The following SRF variants were observed in gnomAD, a reference collection of about 807,000 sequenced individuals.
SRF encodes c-fos serum response element-binding transcription factor.
Under a neutral mutation model 37.1 loss-of-function variants are expected in SRF, and 7 were observed. That is an observed-to-expected ratio of 0.19 (90% CI 0.11 to 0.35). The LOEUF (loss-of-function observed/expected upper bound fraction) is 0.35. Among genes scored for constraint, SRF ranks in the 10% least tolerant of loss-of-function variants. The pLI is 1.00. For missense variants in SRF, 395 were observed against 694.4 expected, an observed-to-expected ratio of 0.57 and a Z score of 4.85; for synonymous variants, 285 against 310.1, an observed-to-expected ratio of 0.92 and a Z score of 0.85.
Position 43,179,336 on chromosome 6 carries a change from A to G in SRF, c.*146A>G, listed in dbSNP as rs1772265621. 4 of 779,926 alleles carry G rather than the reference A, an allele frequency of 5.1e-6. No individual in the cohort carries two copies. Among genetic ancestry groups the G allele is most frequent in the African/African-American group, 1.7e-5 (1 of 57,772 alleles). 48.3% of individuals were successfully genotyped at this position (779,926 alleles called of 1,614,324 possible). On this transcript the variant is annotated 3_prime_UTR_variant, in exon 7 of 7. Coordinates refer to ENST00000265354, the MANE Select transcript of SRF (RefSeq NM_003131.4). This position sits in a 1 kb window ranked among gnomAD's most constrained non-coding sequence, Gnocchi z 5.3. ...GGCAGCCACAGGACTGAGCCCTCTC[A>G]CTCCAGCCAAAGAAATGGGCCTGCC...
At position 43,176,732 on chromosome 6, in the gene SRF, C is replaced by A; in HGVS notation, c.1162+65C>A. 1 of 1,565,748 alleles carries A rather than the reference C, an allele frequency of 6.4e-7. No individual in the cohort carries two copies. The highest frequency in any genetic ancestry group is 1.2e-5 in the South Asian group (1 of 85,974). ...CCCCACGAGGCCTAGCAGTAGGTGC[C>A]CAACAGTAACCCTCCTGTAACTAAA... On this transcript the variant is annotated intron_variant, in intron 4 of 6. Transcript: ENST00000265354. This position sits in a 1 kb window ranked among gnomAD's most constrained non-coding sequence, Gnocchi z 4.0.
chr6:43,175,729 A>G lies in SRF; in HGVS notation c.804A>G (p.Thr268=), dbSNP rs1267249671. The change falls in exon 3 of 7, where the codon ACA becomes ACG. Residue 268 remains threonine, a synonymous_variant. Transcript: ENST00000265354. ...AGGACACACTGAAGCCGGCGTTCAC[A>G]GTCACCAACCTGCCGGGTACAACCT... ...ETKDTLKPAF[T]VTNLPGTTST... The G allele has an allele frequency of 3.7e-6, 6 of 1,614,168 alleles. No homozygotes were observed. The highest frequency in any genetic ancestry group is 1.7e-5 in the Admixed American group (1 of 60,024).
chr6:43,174,041 G>A lies in SRF; in HGVS notation c.708G>A (p.Met236Ile). The change falls in exon 2 of 7, where the codon ATG becomes ATA. Residue 236 changes from methionine to isoleucine, a missense_variant. Physicochemically the swap from Met to Ile is conservative, Grantham distance 10 (BLOSUM62 1). This residue lies in a region of SRF where 20 missense variants were observed against 37.2 expected (regional missense o/e 0.54). Coordinates refer to ENST00000265354, the MANE Select transcript of SRF (RefSeq NM_003131.4). ...PRSDPTTDQRMSATGFEETDL... is the reference protein window; with the variant it reads ...PRSDPTTDQRISATGFEETDL... The stretch of plus-strand genomic sequence containing the variant: ...CAGACCCCACAACAGACCAGAGAAT[G>A]AGTGCCACTGGCTTTGAAGAGACAG... 1 of 1,614,188 alleles carries A rather than the reference G, an allele frequency of 6.2e-7. No individual in the cohort carries two copies. Among genetic ancestry groups the A allele is most frequent in the South Asian group, 1.1e-5 (1 of 91,086 alleles).
In SRF at chr6:43,174,637, C is replaced by A. The variant is rs144990392; in HGVS notation, c.780+524C>A. Among the ~76,000 whole-genome samples the A allele has an allele frequency of 3.9e-5, 6 of 152,356 alleles. No individual in the cohort carries two copies. In the East Asian group the frequency reaches 5.8e-4, roughly 15 times the overall value. On this transcript the variant is annotated intron_variant, in intron 2 of 6. Transcript: ENST00000265354. ...GGATGCCTGCGCTGTTACTCCTCCC[C>A]CTTCCTTTTCCCGGTAAGGAGAGGG...
chr6:43,171,994 G>A lies in SRF; in HGVS notation c.338G>A (p.Gly113Glu). 1 of 1,566,258 alleles carries A rather than the reference G, an allele frequency of 6.4e-7. No homozygotes were observed. The highest frequency in any genetic ancestry group is 8.6e-7 in the Non-Finnish European group (1 of 1,157,536). ...SEMEIGMVVG[G>E]PEASAAATGG... ...ATGGAGATCGGTATGGTGGTCGGTGGGCCCGAGGCGTCGGCAGCGGCCACC... is the reference window on the plus strand; with the variant it reads ...ATGGAGATCGGTATGGTGGTCGGTGAGCCCGAGGCGTCGGCAGCGGCCACC... The change falls in exon 1 of 7, where the codon GGG becomes GAG. Residue 113 changes from glycine to glutamate, a missense_variant. Transcript: ENST00000265354. This position sits in a 1 kb window ranked among gnomAD's most constrained non-coding sequence, Gnocchi z 6.5.
rs919360070 is a variant in SRF at position 43,178,039 on chromosome 6, T to G, written c.1163-255T>G. ...TCATAATCTTTGTTTTTCCCAAGAT[T>G]TAGGACTTAGAGAATTCAGTAGATA... On this transcript the variant is annotated intron_variant, in intron 4 of 6. Coordinates refer to ENST00000265354, the MANE Select transcript of SRF (RefSeq NM_003131.4). This position sits in a 1 kb window ranked among gnomAD's most constrained non-coding sequence, Gnocchi z 4.3. 6.6e-6 allele frequency among the ~76,000 whole-genome samples: 1 copy of G among 152,096 alleles called. No homozygotes were observed. Among genetic ancestry groups the G allele is most frequent in the African/African-American group, 2.4e-5 (1 of 41,406 alleles).
At chr6:43,175,668 G>A (rs1417591325) in intron 2 of SRF, 38 bp from the exon 3 acceptor site, 1 of 1,610,146 alleles carries the variant, frequency 6.2e-7, no homozygotes, top group Non-Finnish European at 8.5e-7. Context: ...GGCAGGATCT[G>A]GTAGGGGCTC....
chr6:43,176,005 G>A lies in SRF; in HGVS notation c.1042+38G>A. On this transcript the variant is annotated intron_variant, in intron 3 of 6. Transcript: ENST00000265354. This position sits in a 1 kb window ranked among gnomAD's most constrained non-coding sequence, Gnocchi z 4.0. ...GGGCAGGGAGAGATTCGTCCTTCCT[G>A]GGGCAAATCAAGCATGCTAAGAGTG... 6.3e-7 allele frequency: 1 copy of A among 1,598,220 alleles called. No homozygotes were observed. The highest frequency in any genetic ancestry group is 1.7e-5 in the Admixed American group (1 of 59,812).
Position 43,173,802 on chromosome 6 carries a change from G to A in SRF, c.514-45G>A, listed in dbSNP as rs776696350. On this transcript the variant is annotated intron_variant, in intron 1 of 6. Coordinates refer to ENST00000265354, the MANE Select transcript of SRF (RefSeq NM_003131.4). The surrounding 1 kb of genome is among the most constrained non-coding windows in gnomAD (Gnocchi z 4.2). ...TTTCCAACTTCTCAAGGAAGGTAGA[G>A]ATAAAAAGTTTGCTGACCTGCCCAT... is the stretch of plus-strand genomic sequence containing the variant. 6.3e-7 allele frequency: 1 copy of A among 1,590,620 alleles called. No homozygotes were observed. Among genetic ancestry groups the A allele is most frequent in the Non-Finnish European group, 8.6e-7 (1 of 1,166,650 alleles).
At position 43,179,328 on chromosome 6, in the gene SRF, GCCCT is replaced by G; in HGVS notation, c.*140_*143del. ...GAGGAACGGGCAGCCACAGGACTGAGCCCTCTCACTCCAGCCAAAGAAATGGGCC... is the reference window on the plus strand; with the variant it reads ...GAGGAACGGGCAGCCACAGGACTGAGCTCACTCCAGCCAAAGAAATGGGCC... On this transcript the variant is annotated 3_prime_UTR_variant, in exon 7 of 7. Transcript: ENST00000265354. This position sits in a 1 kb window ranked among gnomAD's most constrained non-coding sequence, Gnocchi z 5.3. The G allele has an allele frequency of 1.2e-6, 1 of 853,348 alleles. No homozygotes were observed. 52.9% of individuals were successfully genotyped at this position (853,348 alleles called of 1,614,324 possible). A position where few individuals can be genotyped will look rare whatever the true frequency, so the allele number is the denominator to read the frequency against.
rs903719676 is a variant in SRF at position 43,173,443 on chromosome 6, C to T, written c.514-404C>T. 2.6e-5 allele frequency among the ~76,000 whole-genome samples: 4 copies of T among 152,174 alleles called. No individual in the cohort carries two copies. Among genetic ancestry groups the T allele is most frequent in the Non-Finnish European group, 5.9e-5 (4 of 68,032 alleles). ...TTGGAGCTTAAATGGTCCATTATCA[C>T]TAATGTCTTGTACAAATTCCAGTGT... On this transcript the variant is annotated intron_variant, in intron 1 of 6. Coordinates refer to ENST00000265354, the MANE Select transcript of SRF (RefSeq NM_003131.4). The surrounding 1 kb of genome is among the most constrained non-coding windows in gnomAD (Gnocchi z 4.2).
rs992972118 is a variant in SRF at position 43,179,824 on chromosome 6, C to T, written c.*634C>T. The T allele has an allele frequency of 6.5e-6, 1 of 153,214 alleles. No homozygotes were observed. The highest frequency in any genetic ancestry group is 2.4e-5 in the African/African-American group (1 of 41,464). The allele number at this position is 153,214 out of a possible 1,614,324, so 9.5% of individuals were successfully genotyped here. On this transcript the variant is annotated 3_prime_UTR_variant, in exon 7 of 7. Transcript: ENST00000265354. This position sits in a 1 kb window ranked among gnomAD's most constrained non-coding sequence, Gnocchi z 5.3. ...CCAGGGGCTCCTGGGTTGGAGGGAA[C>T]CACCAGCGTTCCCTTCTCCCCCTTG...
chr6:43,179,498 A>C lies in SRF; in HGVS notation c.*308A>C. On this transcript the variant is annotated 3_prime_UTR_variant, in exon 7 of 7. Coordinates refer to ENST00000265354, the MANE Select transcript of SRF (RefSeq NM_003131.4). This position sits in a 1 kb window ranked among gnomAD's most constrained non-coding sequence, Gnocchi z 5.3. The stretch of plus-strand genomic sequence containing the variant: ...TTTGCCATGAGTATTAGCTTACCCA[A>C]TGGGACCGTGCCCCACCTCCCCACA... The C allele has an allele frequency of 2.6e-5, 10 of 387,016 alleles. No homozygotes were observed. Among genetic ancestry groups the C allele is most frequent in the Non-Finnish European group, 3.9e-5 (8 of 203,116 alleles). The allele number at this position is 387,016 out of a possible 1,614,324, so 24.0% of individuals were successfully genotyped here.
Position 43,176,903 on chromosome 6 carries a change from A to G in SRF, c.1162+236A>G, listed in dbSNP as rs1359279120. ...TTGGGGACCATTGACCTACCTCCTC[A>G]TTCAGATGAGGAGCCTGAGGCCTAG... On this transcript the variant is annotated intron_variant, in intron 4 of 6. Coordinates refer to ENST00000265354, the MANE Select transcript of SRF (RefSeq NM_003131.4). This position sits in a 1 kb window ranked among gnomAD's most constrained non-coding sequence, Gnocchi z 4.0. 6.6e-6 allele frequency among the ~76,000 whole-genome samples: 1 copy of G among 152,134 alleles called. No homozygotes were observed. The highest frequency in any genetic ancestry group is 1.5e-5 in the Non-Finnish European group (1 of 68,026).
At position 43,174,044 on chromosome 6, in the gene SRF, T is replaced by C. The variant is rs1582253253; in HGVS notation, c.711T>C (p.Ser237=). The change falls in exon 2 of 7, where the codon AGT becomes AGC. Residue 237 remains serine, a synonymous_variant. Transcript: ENST00000265354. ...RSDPTTDQRM[S]ATGFEETDLT... ...ACCCCACAACAGACCAGAGAATGAG[T>C]GCCACTGGCTTTGAAGAGACAGATC... 1 of 1,614,020 alleles carries C rather than the reference T, an allele frequency of 6.2e-7. No homozygotes were observed. Among genetic ancestry groups the C allele is most frequent in the East Asian group, 2.2e-5 (1 of 44,872 alleles).
chr6:43,176,793 G>T lies in SRF; in HGVS notation c.1162+126G>T, dbSNP rs755090358. The T allele has an allele frequency of 3.6e-5, 50 of 1,397,108 alleles. No individual in the cohort carries two copies. Among genetic ancestry groups the T allele is most frequent in the Admixed American group, 3.1e-4 (14 of 44,676 alleles). 86.5% of individuals were successfully genotyped at this position (1,397,108 alleles called of 1,614,324 possible). On this transcript the variant is annotated intron_variant, in intron 4 of 6. Coordinates refer to ENST00000265354, the MANE Select transcript of SRF (RefSeq NM_003131.4). The surrounding 1 kb of genome is among the most constrained non-coding windows in gnomAD (Gnocchi z 4.0). ...TTCTTAAAGTGGAGATTGAGGCTTT[G>T]GGCCTAATAATTATGGGGAAGTCAG...
chr6:43,176,589 G>A lies in SRF; in HGVS notation c.1084G>A (p.Val362Met), dbSNP rs759793226. 6.2e-7 allele frequency: 1 copy of A among 1,614,180 alleles called. No homozygotes were observed. The highest frequency in any genetic ancestry group is 1.7e-5 in the Admixed American group (1 of 60,020). The change falls in exon 4 of 7, where the codon GTG becomes ATG. Residue 362 changes from valine (V) to methionine (M), a missense_variant. Around this residue, in one of 4 missense-constraint regions of SRF, gnomAD observed 232 missense variants for 335.6 expected, o/e 0.69. Coordinates refer to ENST00000265354, the MANE Select transcript of SRF (RefSeq NM_003131.4). The surrounding 1 kb of genome is among the most constrained non-coding windows in gnomAD (Gnocchi z 4.0). ...AQQVPVQAIQ[V>M]HQAPQQASPS... is the part of the protein sequence containing the mutation. ...GCAGGTCCCAGTGCAGGCCATTCAA[G>A]TGCACCAGGCCCCACAGCAAGCGTC...
Position 43,178,656 on chromosome 6 carries a change from C to T in SRF, c.1355-150C>T. 1.7e-6 allele frequency: 2 copies of T among 1,184,686 alleles called. No individual in the cohort carries two copies. Among genetic ancestry groups the T allele is most frequent in the Non-Finnish European group, 2.5e-6 (2 of 812,028 alleles). 73.4% of individuals were successfully genotyped at this position (1,184,686 alleles called of 1,614,324 possible). The stretch of plus-strand genomic sequence containing the variant: ...TGGACACCCCACTTGGACACTCACA[C>T]CCGCATGCACCCTCAGACACACTGG... On this transcript the variant is annotated intron_variant, in intron 5 of 6. Coordinates refer to ENST00000265354, the MANE Select transcript of SRF (RefSeq NM_003131.4). This position sits in a 1 kb window ranked among gnomAD's most constrained non-coding sequence, Gnocchi z 4.3.
chr6:43,178,838 T>C lies in SRF; in HGVS notation c.1387T>C (p.Ser463Pro). The change falls in exon 6 of 7, where the codon TCT becomes CCT. Residue 463 changes from serine (S) to proline (P), a missense_variant. Coordinates refer to ENST00000265354, the MANE Select transcript of SRF (RefSeq NM_003131.4). This position sits in a 1 kb window ranked among gnomAD's most constrained non-coding sequence, Gnocchi z 4.3. ...CCCCCAGGTGTTCCTGACAGCATCA[T>C]CTGGGACAGTGCAGATCCCTGTTTC... ...GVPQVFLTAS[S>P]GTVQIPVSAV... is the part of the protein sequence containing the mutation. The C allele has an allele frequency of 6.2e-7, 1 of 1,614,258 alleles. No individual in the cohort carries two copies. Among genetic ancestry groups the C allele is most frequent in the Non-Finnish European group, 8.5e-7 (1 of 1,180,052 alleles).
Sources: gnomAD v4.1 joint callset for allele counts (sites outside exome capture counted in the v4.1 genomes callset) on GRCh38, gnomAD v4.1.1 for gene constraint, gnomAD v4.1.1 regional missense constraint, Gnocchi (gnomAD v3.1) non-coding constraint, MANE v1.5 for transcripts, NCBI Gene and HGNC (gene_info 2026-07-23, HGNC 2026-07-21) for gene names.